Variants in DOCK10 observed in about 807,000 individuals in gnomAD.
DOCK10 encodes the protein dedicator of cytokinesis 10.
A neutral mutation model predicts 280.1 loss-of-function variants in DOCK10; 145 were observed. That is an observed-to-expected ratio of 0.52 (90% CI 0.45 to 0.59). The LOEUF (loss-of-function observed/expected upper bound fraction) is 0.59. DOCK10 is among the 20% of genes least tolerant of loss of function. DOCK10 has a pLI of 0.00. For missense variants in DOCK10, 2,368 were observed against 2,651.7 expected, an observed-to-expected ratio of 0.89 and a Z score of 2.35; for synonymous variants, 915 against 942.2, an observed-to-expected ratio of 0.97 and a Z score of 0.53.
chr2:224,876,533 T>C (rs1049932393), intron 7 of DOCK10, among the ~76,000 whole-genome samples: 6 of 152,248 alleles, frequency 3.9e-5, no homozygotes, highest in Non-Finnish European at 7.3e-5. Flanking sequence ...TTTGAGTTTC[T>C]GCCTTGACTT....
chr2:224,973,088 A>T (rs977849679), intron 1 of DOCK10, among the ~76,000 whole-genome samples: 1 of 152,194 alleles, frequency 6.6e-6, no homozygotes, highest in Non-Finnish European at 1.5e-5. Flanking sequence ...TAAGTTTGTA[A>T]ATTTTTCTTT....
At chr2:225,015,659 C>T (rs388591) in intron 1 of DOCK10, among the ~76,000 whole-genome samples, 77,984 of 151,836 alleles carry the variant, frequency 0.51, 20,869 homozygotes, top group Middle Eastern at 0.69. Context: ...TGGGGCAGAA[C>T]TTTTTTCAGG....
At chr2:224,813,675 TAAA>T (rs1693935814) in intron 31 of DOCK10, among the ~76,000 whole-genome samples, 1 of 152,200 alleles carries the variant, frequency 6.6e-6, no homozygotes, top group African/African-American at 2.4e-5. Context: ...TTCCAGCTCA[TAAA>T]TGACCAATAG....
At chr2:224,888,701 G>A (rs1003967205) in intron 4 of DOCK10, among the ~76,000 whole-genome samples, 2 of 150,912 alleles carry the variant, frequency 1.3e-5, no homozygotes, top group Non-Finnish European at 2.9e-5. Flanking sequence ...GTATGTATAT[G>A]TGGTGTGAAT....
chr2:224,902,627 T>C (rs1307670102), intron 3 of DOCK10, among the ~76,000 whole-genome samples: 1 of 152,112 alleles, frequency 6.6e-6, no homozygotes, highest in Non-Finnish European at 1.5e-5. Flanking sequence ...AACATGAGAC[T>C]GTTCCTGCAA....
In DOCK10 at chr2:224,895,841, G is replaced by GTGTA. The variant is rs1553607593; in HGVS notation, c.416+453_416+454insTACA. 4.0e-3 allele frequency among the ~76,000 whole-genome samples: 540 copies of GTGTA among 136,162 alleles called. 12 individuals are homozygous for GTGTA. Among genetic ancestry groups the GTGTA allele is most frequent in the Admixed American group, 0.033 (474 of 14,242 alleles). 89.3% of individuals were successfully genotyped at this position (136,162 alleles called of 152,430 possible). A position where few individuals can be genotyped will look rare whatever the true frequency, so the allele number is the denominator to read the frequency against. ...TGTGTGTGTGTGTGTGCGTGTGTGTGTATATATATATATATATATATGTCT... is the reference window on the plus strand; with the variant it reads ...TGTGTGTGTGTGTGTGCGTGTGTGTGTGTATATATATATATATATATATATGTCT... On this transcript the variant is annotated intron_variant, in intron 4 of 55. Transcript: ENST00000258390.
chr2:224,897,749 T>G (rs1700069262), intron 3 of DOCK10, among the ~76,000 whole-genome samples: 1 of 152,238 alleles, frequency 6.6e-6, no homozygotes, highest in African/African-American at 2.4e-5. Flanking sequence ...CAAAAATGAT[T>G]TAGAAACATT....
intron 1 of DOCK10, among the ~76,000 whole-genome samples, chr2:225,019,831 A>G (rs964625330): frequency 1.3e-5 from 2 of 152,198 alleles, no homozygotes; most frequent in African/African-American, 4.8e-5. Flanking sequence ...ATGATTCTTA[A>G]GTTAAAAATC....
intron 1 of DOCK10, among the ~76,000 whole-genome samples, chr2:224,999,274 C>T (rs1559942096): frequency 6.6e-6 from 1 of 150,732 alleles, no homozygotes; most frequent in Non-Finnish European, 1.5e-5. Context: ...ATAAGGGTCT[C>T]GCTATGTTGC....
chr2:225,021,466 C>T (rs1689782961), intron 1 of DOCK10, among the ~76,000 whole-genome samples: 1 of 152,068 alleles, frequency 6.6e-6, no homozygotes, highest in Non-Finnish European at 1.5e-5. Context: ...TTTTTATTTG[C>T]TAAAAATATG....
intron 1 of DOCK10, among the ~76,000 whole-genome samples, chr2:225,033,061 A>C (rs1240373333): frequency 6.6e-6 from 1 of 152,226 alleles, no homozygotes; most frequent in Non-Finnish European, 1.5e-5. Context: ...TTTAATTTAC[A>C]TTAAAGAGCT....
Position 224,852,956 on chromosome 2 carries a change from A to G in DOCK10, c.2055T>C (p.Asp685=), listed in dbSNP as rs767099506. 2.3e-5 allele frequency: 37 copies of G among 1,598,688 alleles called. No individual in the cohort carries two copies. Among genetic ancestry groups the G allele is most frequent in the Non-Finnish European group, 3.1e-5 (36 of 1,170,566 alleles). ...IYIYPKHLKY[D]SQKCFNKARN... ...ATACCTTGTTGAAGCATTTCTGGCT[A>G]TCATACTTGAGGTGTTTGGGGTAAA... Residue 685 remains aspartate (D), a synonymous_variant, in exon 17 of 56, where the codon GAT becomes GAC. Transcript: ENST00000258390.
intron 45 of DOCK10, 58 bp downstream of exon 45, chr2:224,794,821 A>T: frequency 6.4e-7 from 1 of 1,567,814 alleles, no homozygotes. Context: ...ATGAAAATCC[A>T]ATTTTCCTGA....
rs749115572 is a variant in DOCK10, at chr2:224,808,090, T to C, written c.3410-4A>G. On this transcript the variant is annotated splice_region_variant and splice_polypyrimidine_tract_variant and intron_variant, in intron 31 of 55. Transcript: ENST00000258390. ...GTGACTGAATATTCAGGCATATCTT[T>C]GTGAGGAAGGAAAATAACTCATGTT... 1 of 1,607,844 alleles carries C rather than the reference T, an allele frequency of 6.2e-7. No homozygotes were observed. Among genetic ancestry groups the C allele is most frequent in the Non-Finnish European group, 8.5e-7 (1 of 1,176,036 alleles).
chr2:224,973,930 A>C (rs1246567370), intron 1 of DOCK10, among the ~76,000 whole-genome samples: 1 of 152,110 alleles, frequency 6.6e-6, no homozygotes, highest in Non-Finnish European at 1.5e-5. Flanking sequence ...CTGGGTACAG[A>C]GGTTTTTCTG....
chr2:224,787,062 C>A lies in DOCK10; in HGVS notation c.5615G>T (p.Arg1872Leu), dbSNP rs750258050. The A allele has an allele frequency of 6.2e-7, 1 of 1,614,002 alleles. No individual in the cohort carries two copies. Among genetic ancestry groups the A allele is most frequent in the Non-Finnish European group, 8.5e-7 (1 of 1,179,880 alleles). The change falls in exon 50 of 56, where the codon CGG (arginine) becomes CTG (leucine). Residue 1872 changes from arginine to leucine, a missense_variant. Arg to Leu is a moderately radical substitution (Grantham distance 102). Coordinates refer to ENST00000258390, the MANE Select transcript of DOCK10 (RefSeq NM_014689.3). Reference protein sequence around the residue: ...KVAEVVNSEKRLFGRYYRVAF... With the variant: ...KVAEVVNSEKLLFGRYYRVAF... Reference sequence around the variant, plus strand: ...CACACGATAGTAGCGACCAAACAGCCGCTTCTCCGAATTCACCACCTCTGC... The same window carrying A: ...CACACGATAGTAGCGACCAAACAGCAGCTTCTCCGAATTCACCACCTCTGC...
chr2:224,984,331 C>T (rs1163431699), intron 1 of DOCK10, among the ~76,000 whole-genome samples: 1 of 152,246 alleles, frequency 6.6e-6, no homozygotes, highest in Non-Finnish European at 1.5e-5. Flanking sequence ...CTAACCATCT[C>T]TCTCTAAATC....
Position 224,788,229 on chromosome 2 carries a change from G to A in DOCK10, c.5419-832C>T, listed in dbSNP as rs577201381. On this transcript the variant is annotated intron_variant, in intron 48 of 55. Coordinates refer to ENST00000258390, the MANE Select transcript of DOCK10 (RefSeq NM_014689.3). ...AAGATCCTAAATTCTTTGAGAGCAG[G>A]AATTATGCCTTATTTTTTTTCCCAG... 3.7e-4 allele frequency among the ~76,000 whole-genome samples: 56 copies of A among 152,142 alleles called. 1 individual carries two copies. Among genetic ancestry groups the A allele is most frequent in the African/African-American group, 1.2e-3 (51 of 41,508 alleles).
intron 2 of DOCK10, among the ~76,000 whole-genome samples, chr2:224,924,525 ATT>A (rs760730591): frequency 2.7e-4 from 41 of 152,350 alleles, no homozygotes; most frequent in Non-Finnish European, 4.7e-4. Flanking sequence ...ATGTATCAAC[ATT>A]TCATTCCTTT....
Sources: gnomAD v4.1 joint callset for allele counts (sites outside exome capture counted in the v4.1 genomes callset) on GRCh38, gnomAD v4.1.1 for gene constraint, MANE v1.5 for transcripts, NCBI Gene and HGNC (gene_info 2026-07-23, HGNC 2026-07-21) for gene names.